Variants in VAV2 observed in about 807,000 individuals in gnomAD.
The protein encoded by VAV2 is vav guanine nucleotide exchange factor 2.
Under a neutral mutation model 132.5 loss-of-function variants are expected in VAV2, and 67 were observed. The ratio of observed to expected loss-of-function variants is 0.51; its 90% CI spans 0.42 to 0.62. VAV2 has a LOEUF of 0.62. VAV2 is among the 20% of genes least tolerant of loss of function. The pLI, the probability that VAV2 is intolerant of heterozygous loss-of-function variation, is 0.00. For missense variants in VAV2, 938 were observed against 1,153.6 expected, an observed-to-expected ratio of 0.81 and a Z score of 2.71; for synonymous variants, 492 against 443.5, an observed-to-expected ratio of 1.11 and a Z score of -1.37.
At chr9:133,977,046 C>A (rs950911760) in intron 1 of VAV2, among the ~76,000 whole-genome samples, 1 of 152,214 alleles carries the variant, frequency 6.6e-6, no homozygotes, top group African/African-American at 2.4e-5. Context: ...AGCGACCACG[C>A]AGCGAGGCTG....
chr9:133,938,997 T>G, intron 2 of VAV2, 106 bp downstream of exon 2: 1 of 1,013,784 alleles, frequency 9.9e-7, no homozygotes, highest in South Asian at 1.3e-5. Flanking sequence ...ACTGGCTCTG[T>G]GTTGGAGCCA....
In VAV2 at chr9:133,797,799, A is replaced by G. The variant is rs752628002; in HGVS notation, c.847T>C (p.Tyr283His). ...FLDFKERLLIYGEYCSHMEHA... is the reference protein window; with the variant it reads ...FLDFKERLLIHGEYCSHMEHA... Reference sequence around the variant, plus strand: ...TCCATGTGGCTGCAGTACTCCCCGTAGATCAGAAGCCTGGACGGTGCACAC... The same window carrying G: ...TCCATGTGGCTGCAGTACTCCCCGTGGATCAGAAGCCTGGACGGTGCACAC... Residue 283 changes from tyrosine to histidine, a missense_variant, in exon 10 of 30, where the codon TAC (tyrosine) becomes CAC (histidine). By Grantham distance (83) the Tyr-to-His change is moderately conservative. Coordinates refer to ENST00000371850, the MANE Select transcript of VAV2 (RefSeq NM_001134398.2). 1.9e-6 allele frequency: 3 copies of G among 1,613,954 alleles called. No homozygotes were observed. Among genetic ancestry groups the G allele is most frequent in the Admixed American group, 1.7e-5 (1 of 59,994 alleles).
chr9:133,834,248 C>G lies in VAV2; in HGVS notation c.449+24G>C. On this transcript the variant is annotated intron_variant, in intron 4 of 29. Coordinates refer to ENST00000371850, the MANE Select transcript of VAV2 (RefSeq NM_001134398.2). This position sits in a 1 kb window ranked among gnomAD's most constrained non-coding sequence, Gnocchi z 5.9. ...TCCCTGCCCCTCCCTCCTCTCCATC[C>G]CTCCTCCCATCCCCCCGCCTTACTC... is the stretch of plus-strand genomic sequence containing the variant. 3 of 1,599,490 alleles carry G rather than the reference C, an allele frequency of 1.9e-6. No homozygotes were observed. The highest frequency in any genetic ancestry group is 2.6e-6 in the Non-Finnish European group (3 of 1,172,366).
rs909990986 is a variant in VAV2 at position 133,833,510 on chromosome 9, C to T, written c.449+762G>A. On this transcript the variant is annotated intron_variant, in intron 4 of 29. Coordinates refer to ENST00000371850, the MANE Select transcript of VAV2 (RefSeq NM_001134398.2). This position sits in a 1 kb window ranked among gnomAD's most constrained non-coding sequence, Gnocchi z 5.6. ...AAGGATGCCCGAAGGCACCATCTCCCGGTGGCCTGGGAGGGTGGTGGATGA... is the reference window on the plus strand; with the variant it reads ...AAGGATGCCCGAAGGCACCATCTCCTGGTGGCCTGGGAGGGTGGTGGATGA... 1.3e-5 allele frequency among the ~76,000 whole-genome samples: 2 copies of T among 152,158 alleles called. No homozygotes were observed. The highest frequency in any genetic ancestry group is 2.9e-5 in the Non-Finnish European group (2 of 68,012).
At chr9:133,856,405 G>T (rs1379380719) in intron 3 of VAV2, among the ~76,000 whole-genome samples, 2 of 152,076 alleles carry the variant, frequency 1.3e-5, no homozygotes, top group Admixed American at 6.5e-5. Flanking sequence ...AGCCCCAACC[G>T]GGTCCCCATG....
At chr9:133,800,759 G>A (rs904947354) in intron 9 of VAV2, among the ~76,000 whole-genome samples, 8 of 152,234 alleles carry the variant, frequency 5.3e-5, no homozygotes, top group South Asian at 2.1e-4. Context: ...AGGGGCTGGA[G>A]TGCAGATCCC....
chr9:133,861,522 A>C, intron 2 of VAV2, 90 bp from the exon 3 acceptor site: 1 of 1,444,916 alleles, frequency 6.9e-7, no homozygotes, highest in Non-Finnish European at 9.5e-7. Flanking sequence ...CAGGACGTCG[A>C]GAACTGTTAA....
chr9:133,838,846 G>A (rs1836590464), intron 3 of VAV2, among the ~76,000 whole-genome samples: 1 of 129,072 alleles, frequency 7.7e-6, no homozygotes, highest in East Asian at 2.3e-4. Flanking sequence ...TTGGTGGATG[G>A]ATGAATGGGT....
At chr9:133,854,001 A>G (rs1461603902) in intron 3 of VAV2, among the ~76,000 whole-genome samples, 1 of 152,220 alleles carries the variant, frequency 6.6e-6, no homozygotes, top group South Asian at 2.1e-4. Flanking sequence ...TGGGCACATG[A>G]GCATATATAC....
chr9:133,933,302 C>A (rs911135430), intron 2 of VAV2, among the ~76,000 whole-genome samples: 2 of 152,256 alleles, frequency 1.3e-5, no homozygotes, highest in African/African-American at 4.8e-5. Context: ...ATCTGAGGGT[C>A]CCTGTGAGGG....
rs979772164 is a variant in VAV2, at chr9:133,969,382, A to C, written c.204+22693T>G. ...GATCTGACAGTGCCAGAGGCTGCTA[A>C]GTTTGGTCACTCCCAGGCTGGGGCC... On this transcript the variant is annotated intron_variant, in intron 1 of 29. Transcript: ENST00000371850. The surrounding 1 kb of genome is among the most constrained non-coding windows in gnomAD (Gnocchi z 5.1). 1.3e-5 allele frequency among the ~76,000 whole-genome samples: 2 copies of C among 152,140 alleles called. No individual in the cohort carries two copies. The highest frequency in any genetic ancestry group is 4.8e-5 in the African/African-American group (2 of 41,422).
Position 133,768,171 on chromosome 9 carries a change from G to A in VAV2, c.2589+271C>T, listed in dbSNP as rs146658631. 1.2e-3 allele frequency among the ~76,000 whole-genome samples: 183 copies of A among 152,222 alleles called. No individual in the cohort carries two copies. Among genetic ancestry groups the A allele is most frequent in the African/African-American group, 3.8e-3 (156 of 41,518 alleles). Reference sequence around the variant, plus strand: ...CAGCCCAGAATAAAAATGGAACAGGGTCGGGGGGTTCCTAGGAGCCTGGAT... The same window carrying A: ...CAGCCCAGAATAAAAATGGAACAGGATCGGGGGGTTCCTAGGAGCCTGGAT... On this transcript the variant is annotated intron_variant, in intron 29 of 29. Transcript: ENST00000371850. This position sits in a 1 kb window ranked among gnomAD's most constrained non-coding sequence, Gnocchi z 5.3.
chr9:133,835,713 C>T (rs1005053314), intron 3 of VAV2, among the ~76,000 whole-genome samples: 7 of 152,164 alleles, frequency 4.6e-5, no homozygotes, highest in African/African-American at 9.7e-5. Context: ...CAGGGACGCG[C>T]GGTCCGTCCC....
chr9:133,791,631 G>A, intron 13 of VAV2, 152 bp downstream of exon 13: 1 of 679,298 alleles, frequency 1.5e-6, no homozygotes, highest in Non-Finnish European at 2.6e-6. Flanking sequence ...GGGGGTCTGA[G>A]ATCAAACTCA....
At chr9:133,881,263 T>C (rs1838484653) in intron 2 of VAV2, among the ~76,000 whole-genome samples, 1 of 152,248 alleles carries the variant, frequency 6.6e-6, no homozygotes, top group Non-Finnish European at 1.5e-5. Context: ...CCCGCAGGCA[T>C]GATGCTATCT....
At chr9:133,777,215 C>T (rs549676485) in intron 23 of VAV2, among the ~76,000 whole-genome samples, 174 bp downstream of exon 23, 15 of 152,266 alleles carry the variant, frequency 9.9e-5, no homozygotes, top group Middle Eastern at 6.8e-3. Context: ...TGCTGCCCCA[C>T]AGCCCCCCAC....
intron 3 of VAV2, among the ~76,000 whole-genome samples, chr9:133,851,257 C>T (rs1484710823): frequency 1.3e-5 from 2 of 152,158 alleles, no homozygotes; most frequent in Non-Finnish European, 2.9e-5. Flanking sequence ...AGGTGGGTGC[C>T]GGGAGATCCC....
rs761689639 is a variant in VAV2 at position 133,794,826 on chromosome 9, T to C, written c.1101+842A>G. Among the ~76,000 whole-genome samples the C allele has an allele frequency of 6.6e-6, 1 of 152,132 alleles. No homozygotes were observed. The highest frequency in any genetic ancestry group is 1.9e-4 in the East Asian group (1 of 5,184). Reference sequence around the variant, plus strand: ...GACACATGCCTGGCTGGGAAGGAGATGGCACGAACAAGTGTGTCCAGGAGG... The same window carrying C: ...GACACATGCCTGGCTGGGAAGGAGACGGCACGAACAAGTGTGTCCAGGAGG... On this transcript the variant is annotated intron_variant, in intron 12 of 29. Coordinates refer to ENST00000371850, the MANE Select transcript of VAV2 (RefSeq NM_001134398.2). The surrounding 1 kb of genome is among the most constrained non-coding windows in gnomAD (Gnocchi z 4.6).
In VAV2 at chr9:133,802,163, G is replaced by A. The variant is rs146175930; in HGVS notation, c.836+3918C>T. On this transcript the variant is annotated intron_variant, in intron 9 of 29. Coordinates refer to ENST00000371850, the MANE Select transcript of VAV2 (RefSeq NM_001134398.2). This position sits in a 1 kb window ranked among gnomAD's most constrained non-coding sequence, Gnocchi z 5.8. ...AAATGACAGTGACTCCAAGCCTATT[G>A]GAGGAAGTCAGTTAAGGAGGCAAAA... Among the ~76,000 whole-genome samples, 30 of 152,202 alleles carry A rather than the reference G, an allele frequency of 2.0e-4. No individual in the cohort carries two copies. The highest frequency in any genetic ancestry group is 6.7e-4 in the African/African-American group (28 of 41,500).
Sources: gnomAD v4.1 joint callset for allele counts (sites outside exome capture counted in the v4.1 genomes callset) on GRCh38, gnomAD v4.1.1 for gene constraint, Gnocchi (gnomAD v3.1) non-coding constraint, MANE v1.5 for transcripts, NCBI Gene and HGNC (gene_info 2026-07-23, HGNC 2026-07-21) for gene names.